The following USP14 variants were observed in gnomAD, a reference collection of about 807,000 sequenced individuals.
USP14 encodes ubiquitin carboxyl-terminal hydrolase 14.
A neutral mutation model predicts 76.5 loss-of-function variants in USP14; 38 were observed. The ratio of observed to expected loss-of-function variants is 0.50; its 90% CI spans 0.38 to 0.65. The LOEUF is 0.65. Among genes scored for constraint, USP14 ranks in the 30% least tolerant of loss-of-function variants. USP14 has a pLI of 0.00. For missense variants in USP14, 467 were observed against 586.5 expected, an observed-to-expected ratio of 0.80 and a Z score of 2.10; for synonymous variants, 192 against 191.7, an observed-to-expected ratio of 1.00 and a Z score of -0.01.
At chr18:179,115 A>G in intron 4 of USP14, 78 bp downstream of exon 4, 1 of 958,026 alleles carries the variant, frequency 1.0e-6, no homozygotes, top group Non-Finnish European at 1.6e-6. Flanking sequence ...AGAAAGTAGC[A>G]TCTGAATGTC....
In USP14 at chr18:192,884, G is replaced by T. The variant is rs376876311; in HGVS notation, c.447G>T (p.Ala149=). 6.8e-6 allele frequency: 11 copies of T among 1,613,758 alleles called. No homozygotes were observed. Among genetic ancestry groups the T allele is most frequent in the East Asian group, 6.7e-5 (3 of 44,836 alleles). The part of the protein sequence containing the change: ...ALRASGEMAS[A]QYITAALRDL... ...GAGCTTCAGGGGAAATGGCTTCAGC[G>T]CAGTATATTACTGCAGGTTTGTATA... The change falls in exon 6 of 16, where the codon GCG becomes GCT. Residue 149 remains alanine (A), a synonymous_variant. Transcript: ENST00000261601.
rs553543016 is a variant in USP14, at chr18:178,414, T to G, written c.196-519T>G. On this transcript the variant is annotated intron_variant, in intron 3 of 15. Transcript: ENST00000261601. ...CCCTCTGCTTCAATATTGTAAACAT[T>G]ATTAGGTGTTTTTATGGCAATACTT... 7.2e-5 allele frequency among the ~76,000 whole-genome samples: 11 copies of G among 152,282 alleles called. No individual in the cohort carries two copies. The East Asian group carries it at 1.2e-3, about 16-fold the overall frequency.
At chr18:163,768 A>G (rs1224296654) in intron 2 of USP14, among the ~76,000 whole-genome samples, 2 of 151,886 alleles carry the variant, frequency 1.3e-5, no homozygotes, top group African/African-American at 4.8e-5. Flanking sequence ...ACAGGGTTTC[A>G]ATGTACGGAT....
At chr18:210,648 A>C (rs1166243015) in intron 15 of USP14, among the ~76,000 whole-genome samples, 155 bp downstream of exon 15, 1 of 152,188 alleles carries the variant, frequency 6.6e-6, no homozygotes, top group Non-Finnish European at 1.5e-5. Context: ...TGCCTCTCTT[A>C]ATACTTACTG....
At chr18:193,738 T>G (rs1178186710) in intron 6 of USP14, among the ~76,000 whole-genome samples, 1 of 152,246 alleles carries the variant, frequency 6.6e-6, no homozygotes, top group Non-Finnish European at 1.5e-5. Flanking sequence ...GTTTTCAGGA[T>G]TCATCCACAT....
chr18:194,490 C>T (rs1910177039), intron 6 of USP14, among the ~76,000 whole-genome samples: 1 of 152,144 alleles, frequency 6.6e-6, no homozygotes, highest in Non-Finnish European at 1.5e-5. Flanking sequence ...CAGTTACTAA[C>T]TTTTAGTCGC....
At chr18:173,583 T>G (rs1185426592) in intron 3 of USP14, among the ~76,000 whole-genome samples, 1 of 151,968 alleles carries the variant, frequency 6.6e-6, no homozygotes, top group Non-Finnish European at 1.5e-5. Flanking sequence ...AGCTAATTGT[T>G]TGTATTTTTT....
chr18:206,196 CT>C (rs1431810463), intron 13 of USP14, among the ~76,000 whole-genome samples: 1 of 152,228 alleles, frequency 6.6e-6, no homozygotes, highest in Non-Finnish European at 1.5e-5. Flanking sequence ...GACTGATTCA[CT>C]TTCTCTGCAT....
chr18:184,873 A>C (rs1909885504), intron 5 of USP14, among the ~76,000 whole-genome samples: 1 of 152,236 alleles, frequency 6.6e-6, no homozygotes, highest in Non-Finnish European at 1.5e-5. Flanking sequence ...GGCAGTAAGG[A>C]TCAAGAACTA....
chr18:167,141 CGGGAGGCTGAGGT>C (rs1909294833), intron 3 of USP14, among the ~76,000 whole-genome samples: 2 of 151,846 alleles, frequency 1.3e-5, no homozygotes, highest in East Asian at 1.9e-4. Flanking sequence ...CCTAGCTACT[CGGGAGGCTGAGGT>C]GGGAGGCTGA....
intron 5 of USP14, among the ~76,000 whole-genome samples, chr18:191,074 AT>A (rs1242877346): frequency 6.6e-6 from 1 of 152,172 alleles, no homozygotes; most frequent in Non-Finnish European, 1.5e-5. Context: ...AACAGCAGCG[AT>A]TATATAGCTA....
In USP14 at chr18:214,152, A is replaced by G. The variant is rs1166573146; in HGVS notation, c.*2868A>G. 2 of 156,844 alleles carry G rather than the reference A, an allele frequency of 1.3e-5. No homozygotes were observed. The highest frequency in any genetic ancestry group is 2.4e-5 in the African/African-American group (1 of 41,468). 9.7% of individuals were successfully genotyped at this position (156,844 alleles called of 1,614,324 possible). A position where few individuals can be genotyped will look rare whatever the true frequency, so the allele number is the denominator to read the frequency against. ...GTGAGCACAGCTGGGTGCCAGTACA[A>G]TTTTAATGATCAAGACTCGTGGCAG... is the stretch of plus-strand genomic sequence containing the variant. On this transcript the variant is annotated 3_prime_UTR_variant, in exon 16 of 16. Coordinates refer to ENST00000261601, the MANE Select transcript of USP14 (RefSeq NM_005151.4).
At position 202,913 on chromosome 18, in the gene USP14, A is replaced by G. The variant is rs760198552; in HGVS notation, c.910A>G (p.Thr304Ala). Reference sequence around the variant, plus strand: ...GGAAGAAATCACCAAACAGTCTCCAACGTTGCAAAGAAATGCCTTGTATAT... The same window carrying G: ...GGAAGAAATCACCAAACAGTCTCCAGCGTTGCAAAGAAATGCCTTGTATAT... ...LQEEITKQSPTLQRNALYIKS... is the reference protein window; with the variant it reads ...LQEEITKQSPALQRNALYIKS... The change falls in exon 11 of 16, where the codon ACG (threonine) becomes GCG (alanine). Residue 304 changes from threonine (T) to alanine (A), a missense_variant. Coordinates refer to ENST00000261601, the MANE Select transcript of USP14 (RefSeq NM_005151.4). 19 of 1,614,044 alleles carry G rather than the reference A, an allele frequency of 1.2e-5. 1 individual carries two copies. Among genetic ancestry groups the G allele is most frequent in the Middle Eastern group, 1.6e-4 (1 of 6,084 alleles).
intron 3 of USP14, among the ~76,000 whole-genome samples, chr18:171,408 A>C (rs1190703941): frequency 6.6e-6 from 1 of 152,180 alleles, no homozygotes; most frequent in Non-Finnish European, 1.5e-5. Context: ...GGATCTCTTA[A>C]GAATGATGCT....
intron 3 of USP14, among the ~76,000 whole-genome samples, chr18:171,168 T>C (rs1303864407): frequency 6.6e-6 from 1 of 151,422 alleles, no homozygotes; most frequent in East Asian, 1.9e-4. Flanking sequence ...CAGTAAGTTA[T>C]CCAGAAGATC....
In USP14 at chr18:203,140, G is replaced by T; in HGVS notation, c.985G>T (p.Val329Phe). 1 of 1,614,090 alleles carries T rather than the reference G, an allele frequency of 6.2e-7. No homozygotes were observed. The highest frequency in any genetic ancestry group is 8.5e-7 in the Non-Finnish European group (1 of 1,180,008). The change falls in exon 12 of 16, where the codon GTT becomes TTT. Residue 329 changes from valine (V) to phenylalanine (F), a missense_variant. Coordinates refer to ENST00000261601, the MANE Select transcript of USP14 (RefSeq NM_005151.4). ...GCCTGCTTACTTGACCATTCAGATG[G>T]TTCGATTTTTTTATAAAGAGAAGGA... ...RLPAYLTIQM[V>F]RFFYKEKESV... is the part of the protein sequence containing the mutation.
In USP14 at chr18:162,890, C is replaced by T. The variant is rs556532883; in HGVS notation, c.17-418C>T. ...TTGGCTCACTGCAACCTTCGCCTCC[C>T]GGGTTCAAGCGATTCTCCTGTCTCA... On this transcript the variant is annotated intron_variant, in intron 1 of 15. Transcript: ENST00000261601. 1.9e-3 allele frequency: 294 copies of T among 153,074 alleles called. 1 individual carries two copies. The highest frequency in any genetic ancestry group is 4.7e-3 in the South Asian group (23 of 4,894). 9.5% of individuals were successfully genotyped at this position (153,074 alleles called of 1,614,324 possible).
At chr18:179,586 CTTT>C (rs535535588) in intron 4 of USP14, among the ~76,000 whole-genome samples, 1 of 114,110 alleles carries the variant, frequency 8.8e-6, no homozygotes, top group Admixed American at 9.7e-5. Flanking sequence ...TTTTTTTTTG[CTTT>C]TTTTTTTTTT....
intron 3 of USP14, among the ~76,000 whole-genome samples, chr18:170,870 G>T (rs1313939568): frequency 6.6e-6 from 1 of 151,658 alleles, no homozygotes; most frequent in East Asian, 1.9e-4. Flanking sequence ...AGTGGGATGT[G>T]GGGAGAGCAT....
Sources: gnomAD v4.1 joint callset for allele counts (sites outside exome capture counted in the v4.1 genomes callset) on GRCh38, gnomAD v4.1.1 for gene constraint, MANE v1.5 for transcripts, NCBI Gene and HGNC (gene_info 2026-07-23, HGNC 2026-07-21) for gene names.